Variants in IGF1R observed in about 807,000 individuals in gnomAD.
IGF1R encodes the protein insulin like growth factor 1 receptor.
Under a neutral mutation model 144.6 loss-of-function variants are expected in IGF1R, and 44 were observed. The observed-to-expected ratio is 0.30, with a 90% confidence interval of 0.24 to 0.39. IGF1R has a LOEUF of 0.39. Ranked by LOEUF, IGF1R falls within the 10% of genes least tolerant of loss-of-function variation. The probability of loss-of-function intolerance (pLI) is 1.00; values close to 1 mark genes in which losing one functional copy is unlikely to be tolerated. For synonymous variants in IGF1R, 795 were observed against 722.8 expected (o/e 1.10, Z -1.60); for missense variants, 1,355 against 1,833.7 (o/e 0.74, Z 4.77).
chr15:98,735,974 A>G (rs994756644), intron 2 of IGF1R, among the ~76,000 whole-genome samples: 1 of 152,228 alleles, frequency 6.6e-6, no homozygotes, highest in Non-Finnish European at 1.5e-5. Context: ...AGACACATCA[A>G]ATTAAAACTT....
intron 2 of IGF1R, among the ~76,000 whole-genome samples, chr15:98,713,151 C>T (rs1213198590): frequency 1.3e-5 from 2 of 151,970 alleles, no homozygotes; most frequent in African/African-American, 4.8e-5. Flanking sequence ...TTGCCTTTTC[C>T]TCTCAAGGAT....
chr15:98,681,514 G>A (rs2053189606), intron 1 of IGF1R, among the ~76,000 whole-genome samples: 1 of 152,166 alleles, frequency 6.6e-6, no homozygotes, highest in Non-Finnish European at 1.5e-5. Context: ...GGGGAGTGCT[G>A]TAATTTGCTG....
intron 2 of IGF1R, among the ~76,000 whole-genome samples, chr15:98,771,219 A>G (rs1249597547): frequency 6.6e-6 from 1 of 152,184 alleles, no homozygotes; most frequent in Non-Finnish European, 1.5e-5. Flanking sequence ...AAAGATGACT[A>G]ACACATACCC....
intron 1 of IGF1R, among the ~76,000 whole-genome samples, chr15:98,694,469 G>A (rs2053551486): frequency 6.6e-6 from 1 of 151,944 alleles, no homozygotes; most frequent in Non-Finnish European, 1.5e-5. Context: ...AGGTGGTTGT[G>A]GCCACCTGAC....
intron 1 of IGF1R, among the ~76,000 whole-genome samples, chr15:98,688,491 T>TTG (rs1404134614): frequency 2.6e-5 from 4 of 151,440 alleles, no homozygotes; most frequent in African/African-American, 9.7e-5. Flanking sequence ...TTGCGTAGCG[T>TTG]TGGCACATGT....
chr15:98,777,099 G>A lies in IGF1R; in HGVS notation c.640+68992G>A, dbSNP rs78469816. ...CAGGGAGGGCTGCGGTCTGTTTCCC[G>A]GGGTGTGCTCAGATACCGTGTCAGT... is the stretch of plus-strand genomic sequence containing the variant. On this transcript the variant is annotated intron_variant, in intron 2 of 20. Coordinates refer to ENST00000650285, the MANE Select transcript of IGF1R (RefSeq NM_000875.5). Among the ~76,000 whole-genome samples, 37 of 152,290 alleles carry A rather than the reference G, an allele frequency of 2.4e-4. No individual in the cohort carries two copies. In the East Asian group the frequency reaches 7.1e-3, roughly 29 times the overall value.
intron 2 of IGF1R, among the ~76,000 whole-genome samples, chr15:98,748,526 A>G (rs1567108772): frequency 6.6e-6 from 1 of 152,180 alleles, no homozygotes; most frequent in East Asian, 1.9e-4. Flanking sequence ...TGCATTCTTT[A>G]GCAATTATGT....
At chr15:98,730,907 T>G (rs2054482860) in intron 2 of IGF1R, among the ~76,000 whole-genome samples, 1 of 152,224 alleles carries the variant, frequency 6.6e-6, no homozygotes, top group Non-Finnish European at 1.5e-5. Context: ...GATGAATTAT[T>G]TTCTGGTGGC....
rs756066711 is a variant in IGF1R, at chr15:98,963,160, A to T, written c.*5718A>T. ...TTTGTAGTTTATAATTGCCGAAAATAATTTAAAGACACTTTTTTTTTCTCT... is the reference window on the plus strand; with the variant it reads ...TTTGTAGTTTATAATTGCCGAAAATTATTTAAAGACACTTTTTTTTTCTCT... On this transcript the variant is annotated 3_prime_UTR_variant, in exon 21 of 21. Transcript: ENST00000650285. 2.1e-4 allele frequency: 48 copies of T among 232,552 alleles called. No homozygotes were observed. The highest frequency in any genetic ancestry group is 1.4e-3 in the East Asian group (24 of 16,562). 14.4% of individuals were successfully genotyped at this position (232,552 alleles called of 1,614,324 possible).
intron 2 of IGF1R, among the ~76,000 whole-genome samples, chr15:98,863,508 C>T (rs994639961): frequency 6.6e-6 from 1 of 152,204 alleles, no homozygotes; most frequent in Admixed American, 6.5e-5. Context: ...CTGTTTTCTA[C>T]ACTTAGTAAT....
At chr15:98,683,482 A>G (rs564857227) in intron 1 of IGF1R, among the ~76,000 whole-genome samples, 123 of 152,326 alleles carry the variant, frequency 8.1e-4, no homozygotes, top group African/African-American at 2.7e-3. Context: ...TTGTGTGGGC[A>G]TTGCCCAGTT....
At chr15:98,915,713 T>C (rs997949607) in intron 8 of IGF1R, among the ~76,000 whole-genome samples, 5 of 152,242 alleles carry the variant, frequency 3.3e-5, no homozygotes, top group Non-Finnish European at 7.3e-5. Flanking sequence ...CGCAGCCTTT[T>C]TCCATTTACA....
chr15:98,791,985 A>C (rs1027878068), intron 2 of IGF1R, among the ~76,000 whole-genome samples: 2 of 152,216 alleles, frequency 1.3e-5, no homozygotes, highest in Non-Finnish European at 2.9e-5. Context: ...GGGTTTGAGG[A>C]TCAGAATGGT....
chr15:98,653,576 A>G (rs1317686608), intron 1 of IGF1R, among the ~76,000 whole-genome samples: 1 of 152,262 alleles, frequency 6.6e-6, no homozygotes, highest in Non-Finnish European at 1.5e-5. Context: ...TTTCAAGTAT[A>G]CAGTGATTTT....
intron 2 of IGF1R, among the ~76,000 whole-genome samples, chr15:98,742,694 T>G (rs2054774335): frequency 6.6e-6 from 1 of 152,224 alleles, no homozygotes; most frequent in Non-Finnish European, 1.5e-5. Context: ...CATTTTGGAC[T>G]GTTTCAAAGT....
At chr15:98,859,202 T>C (rs1386385924) in intron 2 of IGF1R, among the ~76,000 whole-genome samples, 2 of 152,208 alleles carry the variant, frequency 1.3e-5, no homozygotes, top group Non-Finnish European at 2.9e-5. Flanking sequence ...AAATTCAGCA[T>C]GTCCACCTGC....
intron 2 of IGF1R, among the ~76,000 whole-genome samples, chr15:98,772,496 T>TTAG (rs1336549086): frequency 7.6e-5 from 7 of 92,572 alleles, no homozygotes; most frequent in African/African-American, 2.1e-4. Flanking sequence ...ATTATTATTA[T>TTAG]TATTATTATT....
At chr15:98,650,881 G>A in intron 1 of IGF1R, 4 of 983,144 alleles carry the variant, frequency 4.1e-6, no homozygotes, top group Non-Finnish European at 4.8e-6. Context: ...GTGGTGTCGG[G>A]TGGGGGTTAG....
chr15:98,819,757 ACT>A (rs2056767789), intron 2 of IGF1R, among the ~76,000 whole-genome samples: 1 of 152,322 alleles, frequency 6.6e-6, no homozygotes, highest in East Asian at 1.9e-4. Context: ...CAGTAACAAA[ACT>A]TAATATGCGT....
Sources: gnomAD v4.1 joint callset for allele counts (sites outside exome capture counted in the v4.1 genomes callset) on GRCh38, gnomAD v4.1.1 for gene constraint, MANE v1.5 for transcripts, NCBI Gene and HGNC (gene_info 2026-07-23, HGNC 2026-07-21) for gene names.